The following ERICH1 variants were observed in gnomAD, a reference collection of about 807,000 sequenced individuals.
ERICH1 encodes glutamate-rich protein 1.
Under a neutral mutation model 39.6 loss-of-function variants are expected in ERICH1, and 56 were observed. That is an observed-to-expected ratio of 1.41 (90% confidence interval 1.14 to 1.77). The LOEUF (loss-of-function observed/expected upper bound fraction) is 1.77. Among genes scored for constraint, ERICH1 ranks in the 40% most tolerant of loss-of-function variants. The pLI, the probability that ERICH1 is intolerant of heterozygous loss-of-function variation, is 0.00. For synonymous variants in ERICH1, 313 were observed against 223.6 expected (o/e 1.40, Z -3.57); for missense variants, 826 against 575.4 (o/e 1.44, Z -4.45).
chr8:678,873 C>T (rs1415995138), intron 3 of ERICH1, among the ~76,000 whole-genome samples: 6 of 152,130 alleles, frequency 3.9e-5, no homozygotes, highest in Non-Finnish European at 8.8e-5. Flanking sequence ...AAGATAATGA[C>T]CCCTGACGAC....
chr8:727,749 C>T (rs1258505901), intron 1 of ERICH1, among the ~76,000 whole-genome samples: 1 of 152,184 alleles, frequency 6.6e-6, no homozygotes, highest in Non-Finnish European at 1.5e-5. Context: ...CCAGCAAGGC[C>T]GGGCCAGCAG....
intron 5 of ERICH1, among the ~76,000 whole-genome samples, chr8:665,473 C>G (rs1802062760): frequency 6.6e-6 from 1 of 152,226 alleles, no homozygotes; most frequent in Non-Finnish European, 1.5e-5. Flanking sequence ...AGAGCCAAGC[C>G]ACAGACAACA....
chr8:656,198 C>A (rs776839114), intron 3 of ERICH1, among the ~76,000 whole-genome samples: 16 of 152,130 alleles, frequency 1.1e-4, no homozygotes, highest in Non-Finnish European at 2.1e-4. Flanking sequence ...TAAACTCCCC[C>A]GGTTCCTTCT....
intron 3 of ERICH1, chr8:690,775 G>T: frequency 6.5e-6 from 1 of 152,702 alleles, no homozygotes; most frequent in Non-Finnish European, 1.5e-5. Flanking sequence ...ACTTTCCTCT[G>T]CAGCTTCCTG....
chr8:711,439 A>C (rs1238566915), intron 2 of ERICH1, among the ~76,000 whole-genome samples: 1 of 151,372 alleles, frequency 6.6e-6, no homozygotes, highest in Non-Finnish European at 1.5e-5. Flanking sequence ...GGGCACCTAG[A>C]TTGCCTCCCA....
chr8:679,197 A>C (rs1805548096), intron 3 of ERICH1, among the ~76,000 whole-genome samples: 1 of 52,508 alleles, frequency 1.9e-5, no homozygotes, highest in African/African-American at 6.9e-5. Flanking sequence ...TCAAAGCTCC[A>C]GTCCCTCTCA....
intron 3 of ERICH1, among the ~76,000 whole-genome samples, chr8:637,790 G>A (rs1798559436): frequency 6.6e-6 from 1 of 152,174 alleles, no homozygotes; most frequent in Non-Finnish European, 1.5e-5. Flanking sequence ...TGGAGCAGCC[G>A]GGAGTCAAAC....
chr8:670,330 C>T (rs944661804), intron 4 of ERICH1, among the ~76,000 whole-genome samples: 12 of 152,030 alleles, frequency 7.9e-5, no homozygotes, highest in African/African-American at 2.9e-4. Context: ...GGCTCTACTG[C>T]TCTTTTTTTC....
rs570856329 is a variant in ERICH1, at chr8:625,092, C to T, written c.977-9808G>A. On this transcript the variant is annotated intron_variant, in intron 3 of 3. Transcript: ENST00000522706. ...CACAAGAACAGCGAGGTGGATTCCA[C>T]GCCCATGATCCAATCACTCCCACCA... Among the ~76,000 whole-genome samples the T allele has an allele frequency of 2.2e-4, 33 of 152,286 alleles. No individual in the cohort carries two copies. In the South Asian group the frequency reaches 3.3e-3, roughly 15 times the overall value.
intron 3 of ERICH1, among the ~76,000 whole-genome samples, chr8:688,119 G>C (rs993378833): frequency 6.6e-6 from 1 of 152,226 alleles, no homozygotes; most frequent in African/African-American, 2.4e-5. Flanking sequence ...GGAGACAGGA[G>C]AGGAGGGAGG....
chr8:632,559 G>T (rs566431405), intron 3 of ERICH1, among the ~76,000 whole-genome samples: 1 of 152,138 alleles, frequency 6.6e-6, no homozygotes, highest in Admixed American at 6.5e-5. Flanking sequence ...AATAACAAAA[G>T]GTAAGTATCC....
At chr8:636,240 G>A (rs1291405758) in intron 3 of ERICH1, among the ~76,000 whole-genome samples, 2 of 152,222 alleles carry the variant, frequency 1.3e-5, no homozygotes, top group Non-Finnish European at 2.9e-5. Context: ...AGCCGAGCTG[G>A]GCGTTCACAG....
chr8:622,677 G>A (rs1162771085), intron 3 of ERICH1, among the ~76,000 whole-genome samples: 1 of 152,158 alleles, frequency 6.6e-6, no homozygotes. Context: ...AAAAGGCAGG[G>A]CACAGTGGCT....
intron 4 of ERICH1, among the ~76,000 whole-genome samples, chr8:670,491 T>A (rs573376874): frequency 2.6e-5 from 4 of 152,230 alleles, no homozygotes; most frequent in Admixed American, 6.5e-5. Context: ...TAGAGGGGGA[T>A]CCCCTGGACC....
At chr8:640,007 G>T (rs1321915111) in intron 3 of ERICH1, among the ~76,000 whole-genome samples, 2 of 152,222 alleles carry the variant, frequency 1.3e-5, no homozygotes, top group African/African-American at 2.4e-5. Flanking sequence ...CACATGCCCT[G>T]TGTGTGCCCG....
chr8:672,613 G>C (rs1044476034), intron 4 of ERICH1, among the ~76,000 whole-genome samples: 2 of 152,144 alleles, frequency 1.3e-5, no homozygotes, highest in Admixed American at 6.5e-5. Flanking sequence ...AAATTAAAGA[G>C]AAGAAAGCCA....
At chr8:714,984 C>T (rs1301707379) in intron 2 of ERICH1, among the ~76,000 whole-genome samples, 2 of 152,116 alleles carry the variant, frequency 1.3e-5, no homozygotes, top group African/African-American at 2.4e-5. Flanking sequence ...GTGCTGCGCA[C>T]AGCCGGTCTA....
At chr8:706,305 C>T (rs529241303) in intron 2 of ERICH1, among the ~76,000 whole-genome samples, 1 of 152,332 alleles carries the variant, frequency 6.6e-6, no homozygotes, top group South Asian at 2.1e-4. Context: ...AAGGTCAATA[C>T]ACAAAATCCC....
At chr8:667,406 A>C (rs2131805723) in intron 5 of ERICH1, 1 of 153,200 alleles carries the variant, frequency 6.5e-6, no homozygotes, top group African/African-American at 2.4e-5. Flanking sequence ...TGGCTGCAAC[A>C]ACACCCTCCT....
Sources: allele counts gnomAD v4.1 joint callset (sites outside exome capture counted in the v4.1 genomes callset), GRCh38; gene constraint gnomAD v4.1.1; transcripts MANE v1.5; gene names NCBI Gene and HGNC (gene_info 2026-07-23, HGNC 2026-07-21).